MECOM: variants seen among roughly 807,000 people sequenced by gnomAD.
MECOM encodes histone-lysine N-methyltransferase MECOM.
In MECOM, 13 loss-of-function variants were observed where a neutral mutation model predicts 116.3. The ratio of observed to expected loss-of-function variants is 0.11; its 90% CI spans 0.07 to 0.18. MECOM has a LOEUF of 0.18. MECOM is among the 10% of genes least tolerant of loss of function. The probability of loss-of-function intolerance (pLI) is 1.00; values close to 1 mark genes in which losing one functional copy is unlikely to be tolerated. For synonymous variants in MECOM, 528 were observed against 535.2 expected, an observed-to-expected ratio of 0.99 and a Z score of 0.19; for missense variants, 1,299 against 1,509.0, an observed-to-expected ratio of 0.86 and a Z score of 2.31.
chr3:169,428,532 C>T (rs963931141), intron 1 of MECOM, among the ~76,000 whole-genome samples: 1 of 152,144 alleles, frequency 6.6e-6, no homozygotes, highest in Non-Finnish European at 1.5e-5. Flanking sequence ...AATAACAGGC[C>T]GTGGACCGGT....
intron 1 of MECOM, among the ~76,000 whole-genome samples, chr3:169,568,152 T>C (rs971359902): frequency 2.0e-5 from 3 of 152,074 alleles, no homozygotes; most frequent in African/African-American, 7.2e-5. Flanking sequence ...ACAGAAGCCA[T>C]GAGGGACCCT....
chr3:169,467,943 G>T (rs749281789), intron 1 of MECOM, among the ~76,000 whole-genome samples: 1 of 152,110 alleles, frequency 6.6e-6, no homozygotes, highest in Non-Finnish European at 1.5e-5. Flanking sequence ...AGGCTTCTAA[G>T]ATCTGAAAAC....
chr3:169,382,879 A>AAAAAAAAAAAAAAAAAGAAG (rs1358767356), intron 1 of MECOM, among the ~76,000 whole-genome samples: 42 of 138,504 alleles, frequency 3.0e-4, no homozygotes, highest in African/African-American at 5.9e-4. Flanking sequence ...AAAAATAAAA[A>AAAAAAAAAAAAAAAAAGAAG]AAGAAGGTAA....
intron 1 of MECOM, among the ~76,000 whole-genome samples, chr3:169,481,478 G>C (rs1751275091): frequency 6.6e-6 from 1 of 151,994 alleles, no homozygotes; most frequent in Admixed American, 6.6e-5. Context: ...GCTTGAACCT[G>C]GGAGGCAGGG....
intron 2 of MECOM, chr3:169,146,612 T>TG (rs1740027800): frequency 7.3e-7 from 1 of 1,370,152 alleles, no homozygotes; most frequent in Non-Finnish European, 9.7e-7. Context: ...GAAAGAAGGC[T>TG]GGGGGCGGGG....
At chr3:169,462,637 T>A (rs1039588095) in intron 1 of MECOM, among the ~76,000 whole-genome samples, 3 of 152,190 alleles carry the variant, frequency 2.0e-5, no homozygotes. Flanking sequence ...AATTTACTTA[T>A]CTGTATCACA....
intron 1 of MECOM, among the ~76,000 whole-genome samples, chr3:169,594,170 A>AAAAAAAAAAAAAAAAAAAAAAAAAACC (rs1553894632): frequency 8.4e-6 from 1 of 119,350 alleles, no homozygotes; most frequent in African/African-American, 3.9e-5. Flanking sequence ...AAAAAAAAAA[A>AAAAAAAAAAAAAAAAAAAAAAAAAACC]AAAAAACACC....
At chr3:169,559,330 A>C (rs527390842) in intron 1 of MECOM, among the ~76,000 whole-genome samples, 4 of 152,226 alleles carry the variant, frequency 2.6e-5, no homozygotes, top group African/African-American at 9.6e-5. Flanking sequence ...TGGTCAAACA[A>C]TACATTAAAA....
intron 1 of MECOM, among the ~76,000 whole-genome samples, chr3:169,469,386 C>A (rs1748827843): frequency 6.6e-6 from 1 of 152,112 alleles, no homozygotes; most frequent in Non-Finnish European, 1.5e-5. Flanking sequence ...TGCATAGGAA[C>A]CTAAATCTGA....
chr3:169,358,458 G>T lies in MECOM; in HGVS notation c.375+22729C>A, dbSNP rs1418491870. Among the ~76,000 whole-genome samples, 3 of 151,238 alleles carry T rather than the reference G, an allele frequency of 2.0e-5. No individual in the cohort carries two copies. The South Asian group carries it at 6.2e-4, about 31-fold the overall frequency. ...ACATTTTTGTAATCTACCTGTGAGT[G>T]GCCCTGTTTCAAATACTGTATCGAG... On this transcript the variant is annotated intron_variant, in intron 2 of 16. Coordinates refer to ENST00000651503, the MANE Select transcript of MECOM (RefSeq NM_004991.4).
At chr3:169,274,453 G>C (rs757698389) in intron 2 of MECOM, among the ~76,000 whole-genome samples, 1 of 152,122 alleles carries the variant, frequency 6.6e-6, no homozygotes, top group South Asian at 2.1e-4. Context: ...ATACCTACTA[G>C]CTGAATGTAG....
At chr3:169,596,167 T>C (rs1380847271) in intron 1 of MECOM, among the ~76,000 whole-genome samples, 3 of 152,342 alleles carry the variant, frequency 2.0e-5, no homozygotes, top group South Asian at 2.1e-4. Context: ...ATGTTACATG[T>C]AACTCTTTAA....
chr3:169,383,024 C>T (rs1428162821), intron 1 of MECOM, among the ~76,000 whole-genome samples: 5 of 151,950 alleles, frequency 3.3e-5, no homozygotes, highest in South Asian at 4.2e-4. Context: ...CTACCAACCC[C>T]GCAGTTCTAT....
chr3:169,335,286 T>C (rs553994079), intron 2 of MECOM, among the ~76,000 whole-genome samples: 5 of 152,282 alleles, frequency 3.3e-5, no homozygotes, highest in South Asian at 2.1e-4. Context: ...AACTATTTGC[T>C]GAGAGCTCAG....
intron 2 of MECOM, among the ~76,000 whole-genome samples, chr3:169,209,100 T>A (rs1231308294): frequency 6.6e-6 from 1 of 152,166 alleles, no homozygotes; most frequent in Non-Finnish European, 1.5e-5. Context: ...GGGGAAAGGA[T>A]TCCCTATTTA....
intron 9 of MECOM, among the ~76,000 whole-genome samples, chr3:169,112,124 A>T (rs1727606108): frequency 6.6e-6 from 1 of 152,158 alleles, no homozygotes; most frequent in African/African-American, 2.4e-5. Context: ...ATGGTGGAAA[A>T]TATGTAAACC....
intron 1 of MECOM, among the ~76,000 whole-genome samples, chr3:169,570,286 CA>C (rs1277650182): frequency 6.6e-6 from 1 of 152,032 alleles, no homozygotes; most frequent in East Asian, 1.9e-4. Flanking sequence ...AAGACTAAAC[CA>C]GGGAGAAGTC....
intron 2 of MECOM, among the ~76,000 whole-genome samples, chr3:169,330,085 G>A (rs964870291): frequency 4.6e-5 from 7 of 152,262 alleles, no homozygotes; most frequent in African/African-American, 1.7e-4. Context: ...GAGTACAGTG[G>A]TATGAACGCA....
At chr3:169,287,434 A>G (rs1322375403) in intron 2 of MECOM, among the ~76,000 whole-genome samples, 1 of 152,228 alleles carries the variant, frequency 6.6e-6, no homozygotes, top group Non-Finnish European at 1.5e-5. Context: ...GGATGACCTT[A>G]TTTTATATTT....
Sources: gnomAD v4.1 joint callset for allele counts (sites outside exome capture counted in the v4.1 genomes callset) on GRCh38, gnomAD v4.1.1 for gene constraint, MANE v1.5 for transcripts, NCBI Gene and HGNC (gene_info 2026-07-23, HGNC 2026-07-21) for gene names.